Variants in MRAS observed in about 807,000 individuals in gnomAD.
MRAS encodes the protein muscle RAS oncogene homolog, also known as ras-related protein M-Ras.
MRAS carries 4 observed loss-of-function variants against 20.9 expected under a neutral mutation model. The ratio of observed to expected loss-of-function variants is 0.19; its 90% CI spans 0.09 to 0.44. MRAS has a LOEUF of 0.44. Among genes scored for constraint, MRAS ranks in the 20% least tolerant of loss-of-function variants. MRAS has a pLI of 0.99. For missense variants in MRAS, 154 were observed against 277.5 expected, an observed-to-expected ratio of 0.56 and a Z score of 3.16; for synonymous variants, 98 against 102.9, an observed-to-expected ratio of 0.95 and a Z score of 0.29.
rs965500347 is a variant in MRAS at position 138,404,581 on chromosome 3, A to G, written c.*2312A>G. ...CACGTTGAACTCCATGGTGCCTGAG[A>G]GAGACTAGTTAAGGGTTGGTCTTCT... is the stretch of plus-strand genomic sequence containing the variant. On this transcript the variant is annotated 3_prime_UTR_variant, in exon 6 of 6. Transcript: ENST00000423968. 6.6e-6 allele frequency: 1 copy of G among 152,182 alleles called. No homozygotes were observed. The highest frequency in any genetic ancestry group is 2.4e-5 in the African/African-American group (1 of 41,412). The allele number at this position is 152,182 out of a possible 1,614,324, so 9.4% of individuals were successfully genotyped here. A position where few individuals can be genotyped will look rare whatever the true frequency, so the allele number is the denominator to read the frequency against.
chr3:138,371,285 G>C (rs1011861902), intron 1 of MRAS, among the ~76,000 whole-genome samples: 1 of 152,152 alleles, frequency 6.6e-6, no homozygotes, highest in Non-Finnish European at 1.5e-5. Flanking sequence ...AATGACTCTC[G>C]ACTGTAGCCC....
rs2055264206 is a variant in MRAS, at chr3:138,397,486, C to T, written c.347+9C>T. 6.2e-7 allele frequency: 1 copy of T among 1,613,868 alleles called. No individual in the cohort carries two copies. The highest frequency in any genetic ancestry group is 1.3e-5 in the African/African-American group (1 of 74,938). On this transcript the variant is annotated intron_variant, in intron 3 of 5. Coordinates refer to ENST00000423968, the MANE Select transcript of MRAS (RefSeq NM_001085049.3). ...CTGCGCGTCAAAGACAGGTGAGCATCAAAGACAGGTGAGAGTACCGGGAAG... is the reference window on the plus strand; with the variant it reads ...CTGCGCGTCAAAGACAGGTGAGCATTAAAGACAGGTGAGAGTACCGGGAAG...
Position 138,404,406 on chromosome 3 carries a change from G to A in MRAS, c.*2137G>A, listed in dbSNP as rs541455822. 2 of 152,282 alleles carry A rather than the reference G, an allele frequency of 1.3e-5. No homozygotes were observed. Among genetic ancestry groups the A allele is most frequent in the East Asian group, 1.9e-4 (1 of 5,170 alleles). The allele number at this position is 152,282 out of a possible 1,614,324, so 9.4% of individuals were successfully genotyped here. A position where few individuals can be genotyped will look rare whatever the true frequency, so the allele number is the denominator to read the frequency against. ...GCCCACCGTGGAGCTGCAACTCCTC[G>A]ACAGCACTGAGTTTGATAGTCTCAC... is the stretch of plus-strand genomic sequence containing the variant. On this transcript the variant is annotated 3_prime_UTR_variant, in exon 6 of 6. Coordinates refer to ENST00000423968, the MANE Select transcript of MRAS (RefSeq NM_001085049.3).
At chr3:138,375,095 C>G (rs2054756133) in intron 2 of MRAS, among the ~76,000 whole-genome samples, 1 of 152,126 alleles carries the variant, frequency 6.6e-6, no homozygotes, top group South Asian at 2.1e-4. Flanking sequence ...CATTGTCGCC[C>G]AGGCTGGTCT....
intron 5 of MRAS, among the ~76,000 whole-genome samples, chr3:138,401,110 T>C (rs2306374): frequency 0.12 from 17,706 of 152,282 alleles, 1,164 homozygotes; most frequent in Non-Finnish European, 0.16. Flanking sequence ...CCAAGTATTG[T>C]CAGCAATCCT....
At chr3:138,357,190 G>A (rs1043170397) in intron 1 of MRAS, among the ~76,000 whole-genome samples, 1 of 152,210 alleles carries the variant, frequency 6.6e-6, no homozygotes, top group Non-Finnish European at 1.5e-5. Flanking sequence ...GGCTGGGAGA[G>A]CCCCTTTGTG....
At position 138,360,318 on chromosome 3, in the gene MRAS, C is replaced by G. The variant is rs79916931; in HGVS notation, c.-19+11551C>G. Among the ~76,000 whole-genome samples the G allele has an allele frequency of 1.8e-4, 27 of 152,322 alleles. No homozygotes were observed. The East Asian group carries it at 3.1e-3, about 17-fold the overall frequency. On this transcript the variant is annotated intron_variant, in intron 1 of 5. Coordinates refer to ENST00000423968, the MANE Select transcript of MRAS (RefSeq NM_001085049.3). The stretch of plus-strand genomic sequence containing the variant: ...GGGATCCGGGCCTTCCGTTCCCTCT[C>G]TGTTGCCACCCTGCTCTTCTCCTGG...
chr3:138,367,317 T>G (rs2054580934), intron 1 of MRAS, among the ~76,000 whole-genome samples: 1 of 152,160 alleles, frequency 6.6e-6, no homozygotes, highest in African/African-American at 2.4e-5. Context: ...ATGGGGAAAC[T>G]GGGCACCAGG....
intron 1 of MRAS, among the ~76,000 whole-genome samples, chr3:138,360,372 G>A (rs1285681953): frequency 2.6e-5 from 4 of 152,326 alleles, no homozygotes; most frequent in East Asian, 3.9e-4. Context: ...GCGGAACACC[G>A]TGATTCCATG....
chr3:138,388,469 C>T (rs535634133), intron 2 of MRAS, among the ~76,000 whole-genome samples: 12 of 152,236 alleles, frequency 7.9e-5, no homozygotes, highest in Admixed American at 2.0e-4. Context: ...GAGGCCAAGG[C>T]GGGCGGATCA....
In MRAS at chr3:138,390,751, C is replaced by G. The variant is rs189101595; in HGVS notation, c.194-6573C>G. On this transcript the variant is annotated intron_variant, in intron 2 of 5. Transcript: ENST00000423968. ...CCAGCTCAGCCACACACCCCTCCTCCCTGCTAGCCCTCCCAGACCAATGGA... is the reference window on the plus strand; with the variant it reads ...CCAGCTCAGCCACACACCCCTCCTCGCTGCTAGCCCTCCCAGACCAATGGA... Among the ~76,000 whole-genome samples, 162 of 152,354 alleles carry G rather than the reference C, an allele frequency of 1.1e-3. 5 individuals carry two copies. The South Asian group carries it at 0.024, about 23-fold the overall frequency.
intron 1 of MRAS, among the ~76,000 whole-genome samples, chr3:138,364,221 GA>G (rs771278931): frequency 1.9e-4 from 29 of 152,148 alleles, no homozygotes; most frequent in Non-Finnish European, 3.5e-4. Flanking sequence ...GAGCTGTGTT[GA>G]ACTGTCACCT....
At chr3:138,377,373 G>A (rs963967536) in intron 2 of MRAS, among the ~76,000 whole-genome samples, 2 of 152,208 alleles carry the variant, frequency 1.3e-5, no homozygotes, top group African/African-American at 4.8e-5. Flanking sequence ...TTGTGAGGCC[G>A]AGGTGGGTGG....
At chr3:138,373,818 G>A (rs2054723624) in intron 2 of MRAS, among the ~76,000 whole-genome samples, 1 of 152,140 alleles carries the variant, frequency 6.6e-6, no homozygotes, top group South Asian at 2.1e-4. Context: ...TCTGTTTGAG[G>A]AGAGTTGATA....
chr3:138,363,833 C>G (rs906551419), intron 1 of MRAS, among the ~76,000 whole-genome samples: 35 of 124,546 alleles, frequency 2.8e-4, no homozygotes, highest in South Asian at 6.6e-4. Flanking sequence ...CCCCCCCCCC[C>G]CAAACCACAG....
At chr3:138,352,418 A>T (rs1351140182) in intron 1 of MRAS, among the ~76,000 whole-genome samples, 1 of 152,254 alleles carries the variant, frequency 6.6e-6, no homozygotes, top group African/African-American at 2.4e-5. Flanking sequence ...GTCATGAAGC[A>T]GCAATGTGTA....
intron 2 of MRAS, among the ~76,000 whole-genome samples, chr3:138,378,017 G>T (rs1316404338): frequency 6.6e-6 from 1 of 152,226 alleles, no homozygotes; most frequent in Non-Finnish European, 1.5e-5. Flanking sequence ...CCTACCCACT[G>T]TCAGTCTGGT....
At chr3:138,386,307 T>C (rs2055013307) in intron 2 of MRAS, among the ~76,000 whole-genome samples, 1 of 151,776 alleles carries the variant, frequency 6.6e-6, no homozygotes, top group Admixed American at 6.6e-5. Flanking sequence ...TTAATCCACT[T>C]CCTGCCTTTA....
At chr3:138,354,474 C>T (rs1479420023) in intron 1 of MRAS, among the ~76,000 whole-genome samples, 1 of 152,220 alleles carries the variant, frequency 6.6e-6, no homozygotes, top group Non-Finnish European at 1.5e-5. Flanking sequence ...CTTGGGGCTT[C>T]ATGTCCTCAG....
Sources: allele counts gnomAD v4.1 joint callset (sites outside exome capture counted in the v4.1 genomes callset), GRCh38; gene constraint gnomAD v4.1.1; transcripts MANE v1.5; gene names NCBI Gene and HGNC (gene_info 2026-07-23, HGNC 2026-07-21).